MYRIP: variants seen among roughly 807,000 people sequenced by gnomAD.
The protein encoded by MYRIP is rab effector MyRIP.
In MYRIP, 49 loss-of-function variants were observed where a neutral mutation model predicts 98.0. The observed-to-expected ratio is 0.50, with a 90% CI of 0.40 to 0.63. The LOEUF (loss-of-function observed/expected upper bound fraction) is 0.63. Among genes scored for constraint, MYRIP ranks in the 30% least tolerant of loss-of-function variants. The pLI is 0.00. For synonymous variants in MYRIP, 404 were observed against 409.5 expected (o/e 0.99, Z 0.16); for missense variants, 1,004 against 1,058.2 (o/e 0.95, Z 0.71).
intron 2 of MYRIP, among the ~76,000 whole-genome samples, chr3:40,026,944 C>G (rs768831817): frequency 6.6e-6 from 1 of 152,110 alleles, no homozygotes; most frequent in Admixed American, 6.5e-5. Context: ...CTCTTTTCCC[C>G]CTGGCTGCCC....
At chr3:40,225,551 C>T (rs1952464063) in intron 11 of MYRIP, among the ~76,000 whole-genome samples, 2 of 152,164 alleles carry the variant, frequency 1.3e-5, no homozygotes, top group South Asian at 2.1e-4. Flanking sequence ...GTGACAAGTG[C>T]GGAGGAGCAT....
At chr3:40,003,042 AT>A (rs1946555692) in intron 2 of MYRIP, among the ~76,000 whole-genome samples, 2 of 34,440 alleles carry the variant, frequency 5.8e-5, no homozygotes, top group Admixed American at 5.2e-4. Flanking sequence ...ATATCTATAG[AT>A]ATAGAGACAG....
intron 1 of MYRIP, among the ~76,000 whole-genome samples, chr3:39,871,111 A>G (rs1942777257): frequency 1.3e-5 from 2 of 152,206 alleles, no homozygotes; most frequent in Non-Finnish European, 2.9e-5. Context: ...GCTGCATCCT[A>G]TGCTAGAAGG....
At chr3:40,021,380 T>C (rs1371330673) in intron 2 of MYRIP, among the ~76,000 whole-genome samples, 1 of 152,160 alleles carries the variant, frequency 6.6e-6, no homozygotes, top group Non-Finnish European at 1.5e-5. Flanking sequence ...AAATATTCTC[T>C]TCTAGATGGA....
At chr3:40,015,548 AG>A (rs915177847) in intron 2 of MYRIP, among the ~76,000 whole-genome samples, 53 of 152,146 alleles carry the variant, frequency 3.5e-4, no homozygotes, top group African/African-American at 1.3e-3. Context: ...GGGGAGCTCT[AG>A]GGGGCCCTGC....
chr3:40,056,374 T>C (rs1307600032), intron 3 of MYRIP, among the ~76,000 whole-genome samples: 2 of 152,174 alleles, frequency 1.3e-5, no homozygotes, highest in African/African-American at 4.8e-5. Flanking sequence ...TTTTAGACCT[T>C]TGGCCTCAAG....
intron 3 of MYRIP, among the ~76,000 whole-genome samples, chr3:40,095,830 A>G (rs753546075): frequency 1.3e-5 from 2 of 149,240 alleles, no homozygotes; most frequent in African/African-American, 2.5e-5. Context: ...ACCCTCTTCT[A>G]TCCTCCTCTT....
intron 2 of MYRIP, among the ~76,000 whole-genome samples, chr3:39,953,103 A>C (rs964857302): frequency 6.6e-6 from 1 of 152,112 alleles, no homozygotes; most frequent in Non-Finnish European, 1.5e-5. Context: ...TCTCTGTTCC[A>C]AATCAATCTG....
At chr3:40,201,618 C>T (rs1951561938) in intron 10 of MYRIP, among the ~76,000 whole-genome samples, 1 of 152,112 alleles carries the variant, frequency 6.6e-6, no homozygotes, top group African/African-American at 2.4e-5. Flanking sequence ...CAGGTCCTTC[C>T]ACATGATGGG....
In MYRIP at chr3:40,251,760, T is replaced by C; in HGVS notation, c.2429-121T>C. 5 of 685,948 alleles carry C rather than the reference T, an allele frequency of 7.3e-6. No homozygotes were observed. The South Asian group carries it at 8.8e-5, about 12-fold the overall frequency. The allele number at this position is 685,948 out of a possible 1,614,324, so 42.5% of individuals were successfully genotyped here. A position where few individuals can be genotyped will look rare whatever the true frequency, so the allele number is the denominator to read the frequency against. ...AGATCCCATAGTCAATCAAACACAGTACAGGAATGAGATTCCAAGTCTAGA... is the reference window on the plus strand; with the variant it reads ...AGATCCCATAGTCAATCAAACACAGCACAGGAATGAGATTCCAAGTCTAGA... On this transcript the variant is annotated intron_variant, in intron 15 of 16. Transcript: ENST00000302541.
chr3:39,961,785 T>C (rs954839774), intron 2 of MYRIP, among the ~76,000 whole-genome samples: 7 of 152,162 alleles, frequency 4.6e-5, no homozygotes, highest in African/African-American at 1.7e-4. Context: ...CTATTTTGTT[T>C]TGAGATATCT....
At chr3:39,935,692 A>C (rs536872570) in intron 2 of MYRIP, among the ~76,000 whole-genome samples, 1 of 152,190 alleles carries the variant, frequency 6.6e-6, no homozygotes, top group African/African-American at 2.4e-5. Flanking sequence ...TTTACAGTCA[A>C]TGCAGAGATG....
intron 2 of MYRIP, among the ~76,000 whole-genome samples, chr3:39,967,431 G>A (rs1945467751): frequency 6.6e-6 from 1 of 151,942 alleles, no homozygotes; most frequent in Non-Finnish European, 1.5e-5. Context: ...TCATTTTTAG[G>A]GCTGTATATT....
At position 40,192,309 on chromosome 3, in the gene MYRIP, C is replaced by CATATATATATGACATATATATATATATAT. The variant is rs1322376887; in HGVS notation, c.1665+1856_1665+1857insGACATATATATATATATATATATATATAT. Among the ~76,000 whole-genome samples the CATATATATATGACATATATATATATATAT allele has an allele frequency of 3.7e-3, 212 of 57,842 alleles. 34 individuals carry two copies. The highest frequency in any genetic ancestry group is 8.5e-3 in the East Asian group (12 of 1,414). 37.9% of individuals were successfully genotyped at this position (57,842 alleles called of 152,430 possible). ...ATTTACTGCGGCAGTTAGTTTTCTTCATATATATATATATATGTCATATAT... is the reference window on the plus strand; with the variant it reads ...ATTTACTGCGGCAGTTAGTTTTCTTCATATATATATGACATATATATATATATATATATATATATATATATGTCATATAT... On this transcript the variant is annotated intron_variant, in intron 10 of 16. Coordinates refer to ENST00000302541, the MANE Select transcript of MYRIP (RefSeq NM_015460.4).
At chr3:40,031,767 T>G (rs1947267017) in intron 2 of MYRIP, among the ~76,000 whole-genome samples, 1 of 152,176 alleles carries the variant, frequency 6.6e-6, no homozygotes, top group East Asian at 1.9e-4. Flanking sequence ...TTTTCTAGTT[T>G]ATTTGCGTAG....
At position 39,960,210 on chromosome 3, in the gene MYRIP, C is replaced by A. The variant is rs116181189; in HGVS notation, c.110+59284C>A. On this transcript the variant is annotated intron_variant, in intron 2 of 16. Coordinates refer to ENST00000302541, the MANE Select transcript of MYRIP (RefSeq NM_015460.4). Reference sequence around the variant, plus strand: ...TCTTAGAAATACGTAAGCAGTGAAACCCACTAGTCCCATCTCTTGCACCTA... The same window carrying A: ...TCTTAGAAATACGTAAGCAGTGAAAACCACTAGTCCCATCTCTTGCACCTA... 9.4e-3 allele frequency among the ~76,000 whole-genome samples: 1,432 copies of A among 152,120 alleles called. 24 individuals are homozygous for A. Among genetic ancestry groups the A allele is most frequent in the African/African-American group, 0.033 (1,379 of 41,496 alleles).
chr3:40,252,786 C>T (rs1268381657), intron 16 of MYRIP, among the ~76,000 whole-genome samples: 1 of 152,124 alleles, frequency 6.6e-6, no homozygotes, highest in Non-Finnish European at 1.5e-5. Context: ...TTTAAACTTA[C>T]CCACAGAATT....
At chr3:39,937,883 A>G (rs1944693612) in intron 2 of MYRIP, among the ~76,000 whole-genome samples, 1 of 152,182 alleles carries the variant, frequency 6.6e-6, no homozygotes. Context: ...AAAAAGGACA[A>G]TTTAGAACTA....
intron 11 of MYRIP, among the ~76,000 whole-genome samples, chr3:40,220,509 A>G (rs1404842085): frequency 6.6e-6 from 1 of 152,206 alleles, no homozygotes; most frequent in African/African-American, 2.4e-5. Context: ...CTGCATAAAT[A>G]TTAAGAACTT....
Sources: gnomAD v4.1 joint callset for allele counts (sites outside exome capture counted in the v4.1 genomes callset) on GRCh38, gnomAD v4.1.1 for gene constraint, MANE v1.5 for transcripts, NCBI Gene and HGNC (gene_info 2026-07-23, HGNC 2026-07-21) for gene names.